DPYSL3: variants seen among roughly 807,000 people sequenced by gnomAD.
DPYSL3 encodes the protein dihydropyrimidinase-related protein 3.
Under a neutral mutation model 66.1 loss-of-function variants are expected in DPYSL3, and 16 were observed. The observed-to-expected ratio is 0.24, with a 90% CI of 0.16 to 0.37. The LOEUF (loss-of-function observed/expected upper bound fraction) is 0.37. Ranked by LOEUF, DPYSL3 falls within the 10% of genes least tolerant of loss-of-function variation. The pLI is 1.00. For synonymous variants in DPYSL3, 338 were observed against 345.1 expected, an observed-to-expected ratio of 0.98 and a Z score of 0.23; for missense variants, 738 against 916.2, an observed-to-expected ratio of 0.81 and a Z score of 2.51.
intron 2 of DPYSL3, among the ~76,000 whole-genome samples, chr5:147,422,672 T>C (rs1752105256): frequency 1.3e-5 from 2 of 150,472 alleles, no homozygotes; most frequent in African/African-American, 4.9e-5. Context: ...TATGCAGCCA[T>C]AAAAAAAAAG....
At chr5:147,400,065 T>A (rs1464615816) in intron 10 of DPYSL3, among the ~76,000 whole-genome samples, 1 of 152,238 alleles carries the variant, frequency 6.6e-6, no homozygotes, top group African/African-American at 2.4e-5. Flanking sequence ...GTTTTTAGGA[T>A]TTTTGAAATG....
At chr5:147,471,967 C>A (rs1581209815) in intron 1 of DPYSL3, among the ~76,000 whole-genome samples, 1 of 152,166 alleles carries the variant, frequency 6.6e-6, no homozygotes. Context: ...GTTTCTGTCT[C>A]GGGTTGTCTG....
intron 1 of DPYSL3, among the ~76,000 whole-genome samples, chr5:147,425,451 T>C (rs1424044300): frequency 6.6e-6 from 1 of 152,230 alleles, no homozygotes; most frequent in African/African-American, 2.4e-5. Context: ...ATCATGGTTA[T>C]GTCTAAAATT....
chr5:147,498,460 G>A (rs1753554578), intron 1 of DPYSL3, among the ~76,000 whole-genome samples: 1 of 152,172 alleles, frequency 6.6e-6, no homozygotes, highest in South Asian at 2.1e-4. Flanking sequence ...AGCCAGTAAT[G>A]AGATTGCTGG....
At chr5:147,474,067 A>G (rs953588090) in intron 1 of DPYSL3, among the ~76,000 whole-genome samples, 1 of 152,098 alleles carries the variant, frequency 6.6e-6, no homozygotes, top group Non-Finnish European at 1.5e-5. Flanking sequence ...GCTTTATGAA[A>G]TGGAAATACT....
chr5:147,504,093 T>G (rs1753652182), intron 1 of DPYSL3, among the ~76,000 whole-genome samples: 1 of 152,218 alleles, frequency 6.6e-6, no homozygotes, highest in Admixed American at 6.5e-5. Flanking sequence ...TCCTCTTCCT[T>G]GTAAGCTTTA....
Position 147,499,695 on chromosome 5 carries a change from C to G in DPYSL3, c.381+9783G>C, listed in dbSNP as rs181113694. Reference sequence around the variant, plus strand: ...TTCTAGCACGTTGTTTTGTTGATATCAACAAACTGATTCTAAACGTCATAT... The same window carrying G: ...TTCTAGCACGTTGTTTTGTTGATATGAACAAACTGATTCTAAACGTCATAT... On this transcript the variant is annotated intron_variant, in intron 1 of 13. Transcript: ENST00000343218. Among the ~76,000 whole-genome samples the G allele has an allele frequency of 1.4e-3, 220 of 152,172 alleles. 1 individual carries two copies. Among genetic ancestry groups the G allele is most frequent in the Admixed American group, 3.5e-3 (54 of 15,280 alleles).
intron 1 of DPYSL3, among the ~76,000 whole-genome samples, chr5:147,439,214 T>C (rs1245843202): frequency 6.6e-6 from 1 of 152,180 alleles, no homozygotes; most frequent in East Asian, 1.9e-4. Context: ...AGTAAGTTAC[T>C]AAATAAATAG....
chr5:147,493,584 A>G (rs1561805395), intron 1 of DPYSL3, among the ~76,000 whole-genome samples: 1 of 152,088 alleles, frequency 6.6e-6, no homozygotes, highest in Non-Finnish European at 1.5e-5. Flanking sequence ...AAAAAAAAGA[A>G]AGAAAGGAAG....
At chr5:147,453,145 A>G (rs1175698498) in intron 1 of DPYSL3, among the ~76,000 whole-genome samples, 16 of 152,042 alleles carry the variant, frequency 1.1e-4, no homozygotes, top group Non-Finnish European at 4.4e-5. Flanking sequence ...GAAAGGTGTC[A>G]TCTCTCCAAA....
intron 1 of DPYSL3, among the ~76,000 whole-genome samples, chr5:147,474,040 G>A (rs1196115347): frequency 6.6e-6 from 1 of 151,942 alleles, no homozygotes; most frequent in South Asian, 2.1e-4. Flanking sequence ...TTTCTATCCT[G>A]GCTACATAAA....
intron 1 of DPYSL3, among the ~76,000 whole-genome samples, chr5:147,453,058 C>T (rs1752767948): frequency 1.3e-5 from 2 of 152,170 alleles, no homozygotes; most frequent in South Asian, 2.1e-4. Context: ...CACCCTGCCA[C>T]CCTCGCGGCG....
Position 147,496,800 on chromosome 5 carries a change from T to C in DPYSL3, c.381+12678A>G, listed in dbSNP as rs371407322. ...AATAGGAACACTTTTACACTGTTGG[T>C]GGGACTGTAAACTAGTTCAACCATT... On this transcript the variant is annotated intron_variant, in intron 1 of 13. Transcript: ENST00000343218. Among the ~76,000 whole-genome samples the C allele has an allele frequency of 3.9e-4, 60 of 151,954 alleles. No homozygotes were observed. In the East Asian group the frequency reaches 0.01, roughly 26 times the overall value.
At chr5:147,401,059 A>G (rs989415736) in intron 9 of DPYSL3, among the ~76,000 whole-genome samples, 1 of 152,186 alleles carries the variant, frequency 6.6e-6, no homozygotes, top group Non-Finnish European at 1.5e-5. Context: ...TCTCTTTTGT[A>G]GCAAAATAAA....
chr5:147,465,044 A>G (rs536730740), intron 1 of DPYSL3, among the ~76,000 whole-genome samples: 1 of 152,208 alleles, frequency 6.6e-6, no homozygotes, highest in African/African-American at 2.4e-5. Context: ...AGTTTTAAAA[A>G]TTAGCTGAAC....
At chr5:147,414,763 G>T (rs1271561689) in intron 4 of DPYSL3, among the ~76,000 whole-genome samples, 1 of 152,162 alleles carries the variant, frequency 6.6e-6, no homozygotes, top group Non-Finnish European at 1.5e-5. Flanking sequence ...GTAAGGAGGG[G>T]ATGGAAAGAA....
chr5:147,503,624 G>A (rs373179735), intron 1 of DPYSL3, among the ~76,000 whole-genome samples: 1 of 152,148 alleles, frequency 6.6e-6, no homozygotes, highest in East Asian at 1.9e-4. Context: ...ATTTCCATAT[G>A]TAATTTATAT....
chr5:147,484,558 G>T (rs1753299206), intron 1 of DPYSL3, among the ~76,000 whole-genome samples: 1 of 152,124 alleles, frequency 6.6e-6, no homozygotes, highest in African/African-American at 2.4e-5. Context: ...CAATAGTGTT[G>T]TTGTATTAGC....
At chr5:147,416,606 A>C (rs1181837146) in intron 3 of DPYSL3, among the ~76,000 whole-genome samples, 1 of 152,228 alleles carries the variant, frequency 6.6e-6, no homozygotes, top group African/African-American at 2.4e-5. Context: ...GCAAAGTACA[A>C]GTAAGGACAA....
Sources: gnomAD v4.1 joint callset for allele counts (sites outside exome capture counted in the v4.1 genomes callset) on GRCh38, gnomAD v4.1.1 for gene constraint, MANE v1.5 for transcripts, NCBI Gene and HGNC (gene_info 2026-07-23, HGNC 2026-07-21) for gene names.